Variants in RAPH1 observed in about 807,000 individuals in gnomAD.
RAPH1 encodes ras-associated and pleckstrin homology domains-containing protein 1.
In RAPH1, 18 loss-of-function variants were observed where a neutral mutation model predicts 88.1. That is an observed-to-expected ratio of 0.20 (90% CI 0.14 to 0.30). RAPH1 has a LOEUF of 0.30. Among genes scored for constraint, RAPH1 ranks in the 10% least tolerant of loss-of-function variants. The pLI, the probability that RAPH1 is intolerant of heterozygous loss-of-function variation, is 1.00. For missense variants in RAPH1, 1,448 were observed against 1,543.2 expected (o/e 0.94, Z 1.03); for synonymous variants, 587 against 559.0 (o/e 1.05, Z -0.71).
At position 203,509,066 on chromosome 2, in the gene RAPH1, A is replaced by ATT. The variant is rs34628795; in HGVS notation, c.1-13715_1-13714dup. On this transcript the variant is annotated intron_variant, in intron 1 of 13. Transcript: ENST00000319170. ...TGCAAAAAGAGTCATTTAAAAAATAATTTTTTTTTTTTTTTTTTTTTTTTA... is the reference window on the plus strand; with the variant it reads ...TGCAAAAAGAGTCATTTAAAAAATAATTTTTTTTTTTTTTTTTTTTTTTTTTA... Among the ~76,000 whole-genome samples, 321 of 120,470 alleles carry ATT rather than the reference A, an allele frequency of 2.7e-3. 2 individuals carry two copies. The highest frequency in any genetic ancestry group is 4.2e-3 in the Non-Finnish European group (250 of 58,968). The allele number at this position is 120,470 out of a possible 152,430, so 79.0% of individuals were successfully genotyped here. A position where few individuals can be genotyped will look rare whatever the true frequency, so the allele number is the denominator to read the frequency against.
chr2:203,471,109 T>G (rs1385769161), intron 4 of RAPH1, among the ~76,000 whole-genome samples: 2 of 152,226 alleles, frequency 1.3e-5, no homozygotes, highest in Admixed American at 6.5e-5. Flanking sequence ...ATCCTTAAAT[T>G]GTAGTTGTTT....
chr2:203,496,699 A>C (rs1426664699), intron 1 of RAPH1, among the ~76,000 whole-genome samples: 1 of 152,226 alleles, frequency 6.6e-6, no homozygotes, highest in Non-Finnish European at 1.5e-5. Flanking sequence ...ATAGTTACTG[A>C]CTAAAATCTG....
intron 1 of RAPH1, among the ~76,000 whole-genome samples, chr2:203,500,194 A>G (rs1235724701): frequency 6.6e-6 from 1 of 152,220 alleles, no homozygotes; most frequent in Non-Finnish European, 1.5e-5. Context: ...TAAGTGCTAT[A>G]AAAGAGGTAT....
intron 4 of RAPH1, among the ~76,000 whole-genome samples, chr2:203,471,499 C>A (rs2098533041): frequency 6.6e-6 from 1 of 152,074 alleles, no homozygotes; most frequent in Non-Finnish European, 1.5e-5. Context: ...GTAATCCCAG[C>A]CACTCAGCAG....
intron 4 of RAPH1, among the ~76,000 whole-genome samples, chr2:203,475,222 A>G (rs1035320257): frequency 2.0e-5 from 3 of 152,164 alleles, no homozygotes; most frequent in Non-Finnish European, 2.9e-5. Context: ...CCTGGCTAAC[A>G]TGGTGAAACC....
At chr2:203,483,357 A>T (rs1307392926) in intron 4 of RAPH1, among the ~76,000 whole-genome samples, 1 of 152,210 alleles carries the variant, frequency 6.6e-6, no homozygotes, top group East Asian at 1.9e-4. Flanking sequence ...TTCTAGACAT[A>T]TTCTGAAGAT....
Position 203,456,271 on chromosome 2 carries a change from A to G in RAPH1, c.1159-691T>C, listed in dbSNP as rs1404279992. Reference sequence around the variant, plus strand: ...AAACAGCACAGTTACACTAAATTTAATAAAACTGTCAGGGCAAACCAAGCG... The same window carrying G: ...AAACAGCACAGTTACACTAAATTTAGTAAAACTGTCAGGGCAAACCAAGCG... On this transcript the variant is annotated intron_variant, in intron 8 of 13. Coordinates refer to ENST00000319170, the MANE Select transcript of RAPH1 (RefSeq NM_213589.3). Among the ~76,000 whole-genome samples, 3 of 152,368 alleles carry G rather than the reference A, an allele frequency of 2.0e-5. No homozygotes were observed. In the East Asian group the frequency reaches 5.8e-4, roughly 29 times the overall value.
intron 13 of RAPH1, chr2:203,442,500 T>C (rs577544768): frequency 6.5e-6 from 1 of 153,846 alleles, no homozygotes; most frequent in African/African-American, 2.4e-5. Context: ...ATCCGGACAT[T>C]CACATGTTTC....
chr2:203,451,837 T>C (rs1185366840), intron 10 of RAPH1, among the ~76,000 whole-genome samples: 1 of 152,230 alleles, frequency 6.6e-6, no homozygotes. Flanking sequence ...AGTAGTTTTA[T>C]TCCCTTGTCA....
At chr2:203,522,545 A>G (rs1360902601) in intron 1 of RAPH1, among the ~76,000 whole-genome samples, 1 of 152,210 alleles carries the variant, frequency 6.6e-6, no homozygotes, top group East Asian at 1.9e-4. Context: ...ATTTTTTTAC[A>G]GAAACTGACA....
chr2:203,470,299 G>A (rs2098531910), intron 4 of RAPH1: 1 of 1,610,694 alleles, frequency 6.2e-7, no homozygotes. Context: ...AGGTTTCCCT[G>A]TCCAGATAGG....
At chr2:203,467,558 C>A (rs1260019511) in intron 4 of RAPH1, among the ~76,000 whole-genome samples, 3 of 151,912 alleles carry the variant, frequency 2.0e-5, no homozygotes, top group Non-Finnish European at 4.4e-5. Context: ...AAGATGGCAC[C>A]ACTGCACTCC....
chr2:203,495,081 G>A, intron 2 of RAPH1, 153 bp downstream of exon 2: 1 of 748,804 alleles, frequency 1.3e-6, no homozygotes, highest in Non-Finnish European at 2.1e-6. Context: ...TTCTGTTCTA[G>A]AATGACTTCA....
chr2:203,483,230 T>TG (rs1376293723), intron 4 of RAPH1, among the ~76,000 whole-genome samples: 1 of 152,146 alleles, frequency 6.6e-6, no homozygotes. Flanking sequence ...GCAGTGTGGA[T>TG]GATAGACTGT....
At chr2:203,519,170 C>T (rs1689755031) in intron 1 of RAPH1, among the ~76,000 whole-genome samples, 1 of 151,212 alleles carries the variant, frequency 6.6e-6, no homozygotes, top group African/African-American at 2.5e-5. Context: ...ATCCTAATAC[C>T]AAAACCAGAG....
rs1391459065 is a variant in RAPH1 at position 203,438,460 on chromosome 2, A to G, written c.*977T>C. 7.5e-6 allele frequency: 2 copies of G among 266,428 alleles called. No homozygotes were observed. The highest frequency in any genetic ancestry group is 1.5e-5 in the Non-Finnish European group (2 of 135,816). 16.5% of individuals were successfully genotyped at this position (266,428 alleles called of 1,614,324 possible). A position where few individuals can be genotyped will look rare whatever the true frequency, so the allele number is the denominator to read the frequency against. On this transcript the variant is annotated 3_prime_UTR_variant, in exon 14 of 14. Transcript: ENST00000319170. ...TGTCTACAGATATGTAATAACACCT[A>G]CCTAAAGCACATATTTTAAGAAGGT...
intron 7 of RAPH1, 144 bp downstream of exon 7, chr2:203,459,763 T>C (rs1445397630): frequency 8.9e-6 from 7 of 783,960 alleles, no homozygotes; most frequent in Admixed American, 5.3e-5. Flanking sequence ...GCAGCAGCAG[T>C]AGTAGATGAT....
At chr2:203,457,686 G>A (rs1581274235) in intron 7 of RAPH1, 91 bp from the exon 8 acceptor site, 1 of 941,918 alleles carries the variant, frequency 1.1e-6, no homozygotes, top group East Asian at 2.4e-5. Flanking sequence ...TGGCACAGGT[G>A]TGTGTATGTT....
At position 203,506,881 on chromosome 2, in the gene RAPH1, G is replaced by GATAT. The variant is rs1206268313; in HGVS notation, c.1-11532_1-11529dup. Among the ~76,000 whole-genome samples the GATAT allele has an allele frequency of 6.1e-3, 186 of 30,326 alleles. 2 individuals are homozygous for GATAT. The highest frequency in any genetic ancestry group is 0.038 in the Middle Eastern group (1 of 26). 19.9% of individuals were successfully genotyped at this position (30,326 alleles called of 152,430 possible). The stretch of plus-strand genomic sequence containing the variant: ...CTATATATATATATATATATATATA[G>GATAT]ATATATATATATATATATTTTTTTT... On this transcript the variant is annotated intron_variant, in intron 1 of 13. Coordinates refer to ENST00000319170, the MANE Select transcript of RAPH1 (RefSeq NM_213589.3).
Sources: allele counts gnomAD v4.1 joint callset (sites outside exome capture counted in the v4.1 genomes callset), GRCh38; gene constraint gnomAD v4.1.1; transcripts MANE v1.5; gene names NCBI Gene and HGNC (gene_info 2026-07-23, HGNC 2026-07-21).